ZNF644: variants seen among roughly 807,000 people sequenced by gnomAD.
ZNF644 encodes the protein zinc finger motif enhancer binding protein 2.
Under a neutral mutation model 108.0 loss-of-function variants are expected in ZNF644, and 20 were observed. That is an observed-to-expected ratio of 0.19 (90% CI 0.13 to 0.27). ZNF644 has a LOEUF of 0.27. ZNF644 is among the 10% of genes least tolerant of loss of function. The pLI, the probability that ZNF644 is intolerant of heterozygous loss-of-function variation, is 1.00. For synonymous variants in ZNF644, 542 were observed against 539.1 expected, an observed-to-expected ratio of 1.01 and a Z score of -0.08; for missense variants, 1,338 against 1,548.9, an observed-to-expected ratio of 0.86 and a Z score of 2.29.
At chr1:90,998,110 A>G (rs1385945843) in intron 1 of ZNF644, among the ~76,000 whole-genome samples, 2 of 152,140 alleles carry the variant, frequency 1.3e-5, no homozygotes, top group Non-Finnish European at 2.9e-5. Flanking sequence ...TGTAGACTCC[A>G]CCTCTTGGGG....
intron 1 of ZNF644, among the ~76,000 whole-genome samples, chr1:90,989,885 T>C (rs79718747): frequency 0.013 from 1,927 of 152,272 alleles, 38 homozygotes; most frequent in African/African-American, 0.044. Context: ...AACAGCATTA[T>C]TCACAAGATC....
intron 1 of ZNF644, among the ~76,000 whole-genome samples, chr1:90,991,572 G>GA (rs1170189302): frequency 6.6e-6 from 1 of 152,236 alleles, no homozygotes; most frequent in African/African-American, 2.4e-5. Flanking sequence ...AGGCTGTACA[G>GA]AAAGCACGGC....
intron 1 of ZNF644, among the ~76,000 whole-genome samples, chr1:90,999,057 C>T (rs886105368): frequency 8.5e-5 from 13 of 152,328 alleles, no homozygotes; most frequent in African/African-American, 2.6e-4. Context: ...AAGACCAAAT[C>T]TACGCCTGAT....
At chr1:91,003,570 T>C (rs1280805000) in intron 1 of ZNF644, among the ~76,000 whole-genome samples, 1 of 151,938 alleles carries the variant, frequency 6.6e-6, no homozygotes, top group Non-Finnish European at 1.5e-5. Context: ...TTAGGAGATA[T>C]ACCTAATGCT....
intron 1 of ZNF644, among the ~76,000 whole-genome samples, chr1:90,985,032 C>G (rs535933117): frequency 6.6e-6 from 1 of 152,136 alleles, no homozygotes; most frequent in Admixed American, 6.5e-5. Flanking sequence ...AAACACCACA[C>G]ACATACAAAC....
chr1:91,011,933 A>C lies in ZNF644; in HGVS notation c.-18+10057T>G, dbSNP rs1240932815. Among the ~76,000 whole-genome samples, 3 of 152,158 alleles carry C rather than the reference A, an allele frequency of 2.0e-5. No individual in the cohort carries two copies. In the East Asian group the frequency reaches 5.8e-4, roughly 29 times the overall value. Reference sequence around the variant, plus strand: ...AGGCAATCCACAACTTCCTCCACCTACTTCCTGGCTATATGCCTAGAGAAT... The same window carrying C: ...AGGCAATCCACAACTTCCTCCACCTCCTTCCTGGCTATATGCCTAGAGAAT... On this transcript the variant is annotated intron_variant, in intron 1 of 5. Coordinates refer to ENST00000337393, the MANE Select transcript of ZNF644 (RefSeq NM_201269.3).
chr1:90,932,227 C>A (rs182180765), intron 4 of ZNF644, among the ~76,000 whole-genome samples: 6 of 152,132 alleles, frequency 3.9e-5, no homozygotes, highest in African/African-American at 9.7e-5. Context: ...GGAGCTGTGG[C>A]TTCTAAGAAG....
intron 1 of ZNF644, among the ~76,000 whole-genome samples, chr1:90,986,075 T>C (rs1017497309): frequency 4.6e-5 from 7 of 152,124 alleles, no homozygotes; most frequent in African/African-American, 1.7e-4. Context: ...ATTGGAATAT[T>C]ACTTATATAA....
At chr1:90,928,391 C>G (rs973257432) in intron 4 of ZNF644, among the ~76,000 whole-genome samples, 4 of 149,274 alleles carry the variant, frequency 2.7e-5, no homozygotes, top group African/African-American at 9.9e-5. Context: ...AATCTCGGCT[C>G]ACTGCAACCT....
chr1:90,976,744 T>C (rs1570480271), intron 2 of ZNF644, among the ~76,000 whole-genome samples: 1 of 152,102 alleles, frequency 6.6e-6, no homozygotes, highest in South Asian at 2.1e-4. Flanking sequence ...TTAAGAGATG[T>C]AGATCAAGAC....
intron 2 of ZNF644, among the ~76,000 whole-genome samples, chr1:90,952,551 A>AATC (rs1388940511): frequency 6.6e-6 from 1 of 152,190 alleles, no homozygotes; most frequent in Non-Finnish European, 1.5e-5. Flanking sequence ...CAGAAACAGA[A>AATC]ATCACTGTAG....
chr1:90,932,499 C>A (rs918722816), intron 4 of ZNF644, among the ~76,000 whole-genome samples: 1 of 152,032 alleles, frequency 6.6e-6, no homozygotes, highest in Admixed American at 6.6e-5. Context: ...ATTAAAAGAT[C>A]ATGTGTTCTT....
chr1:90,918,031 T>A, intron 5 of ZNF644, 21 bp downstream of exon 5: 2 of 1,587,222 alleles, frequency 1.3e-6, no homozygotes, highest in Non-Finnish European at 1.7e-6. Context: ...ACTGATCAGA[T>A]TTGGCAATAT....
At chr1:90,956,097 C>T (rs1277842062) in intron 2 of ZNF644, among the ~76,000 whole-genome samples, 1 of 152,068 alleles carries the variant, frequency 6.6e-6, no homozygotes, top group African/African-American at 2.4e-5. Context: ...CAAGGAAGGG[C>T]CAGCTGGTGA....
At chr1:90,926,748 T>C (rs898848952) in intron 4 of ZNF644, among the ~76,000 whole-genome samples, 1 of 152,164 alleles carries the variant, frequency 6.6e-6, no homozygotes, top group Non-Finnish European at 1.5e-5. Context: ...ATTTCCATAA[T>C]ATTACCCATA....
intron 1 of ZNF644, among the ~76,000 whole-genome samples, chr1:91,016,989 T>G (rs1190525982): frequency 6.6e-6 from 1 of 152,076 alleles, no homozygotes; most frequent in African/African-American, 2.4e-5. Flanking sequence ...CGTGCCACCA[T>G]GCCCAGCTAA....
Position 90,941,190 on chromosome 1 carries a change from C to A in ZNF644, c.164G>T (p.Gly55Val). 7 of 1,610,906 alleles carry A rather than the reference C, an allele frequency of 4.3e-6. No homozygotes were observed. The highest frequency in any genetic ancestry group is 5.9e-6 in the Non-Finnish European group (7 of 1,178,892). The change falls in exon 3 of 6, where the codon GGA becomes GTA. Residue 55 changes from glycine (G) to valine (V), a missense_variant. Gly to Val is a moderately radical substitution (Grantham distance 109). Transcript: ENST00000337393. ...DNNFISDKES[G>V]VHKPKDCQTS... ...TTGACAATCTTTTGGCTTATGAACT[C>A]CGCTCTCTTTGTCTGAGATAAAATT...
At chr1:90,989,250 C>A (rs1377496181) in intron 1 of ZNF644, among the ~76,000 whole-genome samples, 2 of 152,104 alleles carry the variant, frequency 1.3e-5, no homozygotes, top group Non-Finnish European at 2.9e-5. Context: ...ATAAAACAAG[C>A]ACACAAAAAG....
rs1385123670 is a variant in ZNF644 at position 90,938,863 on chromosome 1, C to T, written c.2491G>A (p.Asp831Asn). ...VGGEDLDSYPDFLHKMTVVVL... is the reference protein window; with the variant it reads ...VGGEDLDSYPNFLHKMTVVVL... ...ACAACAGTCATTTTATGCAAAAAAT[C>T]TGGATAGCTATCCAAGTCTTCCCCT... is the stretch of plus-strand genomic sequence containing the variant. Residue 831 changes from aspartate to asparagine, a missense_variant, in exon 3 of 6, where the codon GAT (aspartate) becomes AAT (asparagine). Around this residue, in one of 6 missense-constraint regions of ZNF644, gnomAD observed 462 missense variants for 472.6 expected, o/e 0.98. Coordinates refer to ENST00000337393, the MANE Select transcript of ZNF644 (RefSeq NM_201269.3). This position sits in a 1 kb window ranked among gnomAD's most constrained non-coding sequence, Gnocchi z 4.2. 1.9e-6 allele frequency: 3 copies of T among 1,613,802 alleles called. No individual in the cohort carries two copies. Among genetic ancestry groups the T allele is most frequent in the South Asian group, 1.1e-5 (1 of 91,082 alleles).
Sources: allele counts gnomAD v4.1 joint callset (sites outside exome capture counted in the v4.1 genomes callset), GRCh38; gene constraint gnomAD v4.1.1; regional missense constraint gnomAD v4.1.1; non-coding constraint Gnocchi (gnomAD v3.1); transcripts MANE v1.5; gene names NCBI Gene and HGNC (gene_info 2026-07-23, HGNC 2026-07-21).